The following PPP6R2 variants were observed in gnomAD, a reference collection of about 807,000 sequenced individuals.
The protein encoded by PPP6R2 is serine/threonine-protein phosphatase 6 regulatory subunit 2.
A neutral mutation model predicts 100.2 loss-of-function variants in PPP6R2; 62 were observed. The ratio of observed to expected loss-of-function variants is 0.62; its 90% confidence interval spans 0.50 to 0.76. PPP6R2 has a LOEUF of 0.76. PPP6R2 is among the 30% of genes least tolerant of loss of function. The pLI is 0.00. For missense variants in PPP6R2, 1,142 were observed against 1,276.3 expected (o/e 0.89, Z 1.60); for synonymous variants, 525 against 514.7 (o/e 1.02, Z -0.27).
At chr22:50,412,630 CTTTTTTTTTTTTTTT>C (rs398037412) in intron 4 of PPP6R2, among the ~76,000 whole-genome samples, 3 of 79,866 alleles carry the variant, frequency 3.8e-5, no homozygotes, top group Non-Finnish European at 6.6e-5. Flanking sequence ...TAAATAAGTC[CTTTTTTTTTTTTTTT>C]TTTTTTTTTT....
upstream of PPP6R2, among the ~76,000 whole-genome samples, chr22:50,338,826 GGTGTGTGGTGT>G (rs1270341674): frequency 2.5e-5 from 3 of 119,746 alleles, no homozygotes; most frequent in South Asian, 3.0e-4. Flanking sequence ...GTGTGTGTAG[GGTGTGTGGTGT>G]GTGTGTGGTG....
intron 2 of PPP6R2, among the ~76,000 whole-genome samples, chr22:50,382,545 A>G (rs1024970247): frequency 1.3e-5 from 2 of 152,160 alleles, no homozygotes; most frequent in Non-Finnish European, 2.9e-5. Flanking sequence ...TTCAAACAAA[A>G]ATAAATTACA....
At chr22:50,443,148 C>G (rs1169563175) in intron 22 of PPP6R2, 1 of 152,174 alleles carries the variant, frequency 6.6e-6, no homozygotes, top group East Asian at 1.9e-4. Flanking sequence ...TGACTGTCGG[C>G]AAAAACAAAA....
Position 50,437,917 on chromosome 22 carries a change from G to A in PPP6R2, c.1839+17G>A, listed in dbSNP as rs376891217. On this transcript the variant is annotated intron_variant, in intron 17 of 23. Transcript: ENST00000612753. The stretch of plus-strand genomic sequence containing the variant: ...GAGGACAGTGTGAGCAAGCCGGGCT[G>A]TGTGGGGTGCCGCCACCCTTTTCCC... 1.8e-4 allele frequency: 288 copies of A among 1,560,022 alleles called. No individual in the cohort carries two copies. The highest frequency in any genetic ancestry group is 2.3e-4 in the Non-Finnish European group (265 of 1,152,342).
intron 2 of PPP6R2, among the ~76,000 whole-genome samples, chr22:50,385,312 C>T (rs1230328389): frequency 6.6e-6 from 1 of 152,056 alleles, no homozygotes; most frequent in Non-Finnish European, 1.5e-5. Context: ...TCTTGTGCCT[C>T]AGCCTCCCGA....
chr22:50,339,678 TGTGTGTGGTGTGATTGGTGTGTA>T (rs1347968624), upstream of PPP6R2, among the ~76,000 whole-genome samples: 4 of 135,432 alleles, frequency 3.0e-5, no homozygotes, highest in African/African-American at 1.1e-4. Flanking sequence ...GAGTGTGTGT[TGTGTGTGGTGTGATTGGTGTGTA>T]GTGTGTGGTG....
chr22:50,385,232 G>A (rs576093957), intron 2 of PPP6R2, among the ~76,000 whole-genome samples: 7 of 152,188 alleles, frequency 4.6e-5, no homozygotes, highest in Admixed American at 2.0e-4. Context: ...ATCTCACGCC[G>A]TCACCCAGGC....
At chr22:50,424,920 T>G (rs7410296) in intron 10 of PPP6R2, among the ~76,000 whole-genome samples, 152,320 of 152,332 alleles carry the variant, frequency 1, 76,154 homozygotes, top group Middle Eastern at 1. Flanking sequence ...GATTACAGGC[T>G]TGAGCCACTG....
rs376170706 is a variant in PPP6R2 at position 50,391,415 on chromosome 22, A to G, written c.-16-2478A>G. On this transcript the variant is annotated intron_variant, in intron 2 of 23. Coordinates refer to ENST00000612753, the MANE Select transcript of PPP6R2 (RefSeq NM_001242898.2). ...GCCACTGCACTCCAGCCTGGGCTAC[A>G]GAGTGAGACTCCGTCTCAAAAAAAA... 3.9e-3 allele frequency among the ~76,000 whole-genome samples: 509 copies of G among 129,308 alleles called. 4 individuals are homozygous for G. Among genetic ancestry groups the G allele is most frequent in the Middle Eastern group, 0.013 (3 of 230 alleles). The allele number at this position is 129,308 out of a possible 152,430, so 84.8% of individuals were successfully genotyped here. A position where few individuals can be genotyped will look rare whatever the true frequency, so the allele number is the denominator to read the frequency against.
chr22:50,406,132 GGCCTGGAGAGAGGCGAGA>G, intron 3 of PPP6R2, among the ~76,000 whole-genome samples: 1 of 127,914 alleles, frequency 7.8e-6, no homozygotes, highest in African/African-American at 3.7e-5. Flanking sequence ...CGAGTGTGAA[GGCCTGGAGAGAGGCGAGA>G]GGCCTGGAGA....
chr22:50,375,782 C>A (rs2148593757), intron 2 of PPP6R2, among the ~76,000 whole-genome samples: 2 of 148,542 alleles, frequency 1.3e-5, no homozygotes, highest in Admixed American at 1.4e-4. Context: ...AAAGATAAAA[C>A]CTCTCTGGAA....
chr22:50,430,395 C>T (rs956860912), intron 10 of PPP6R2, among the ~76,000 whole-genome samples: 3 of 152,224 alleles, frequency 2.0e-5, no homozygotes, highest in African/African-American at 7.2e-5. Flanking sequence ...AACACACTTC[C>T]AATAATTCAT....
At chr22:50,356,975 C>G (rs1360689073) in intron 1 of PPP6R2, among the ~76,000 whole-genome samples, 1 of 151,894 alleles carries the variant, frequency 6.6e-6, no homozygotes, top group Non-Finnish European at 1.5e-5. Flanking sequence ...TCCAGTTTTC[C>G]AAACTGGAAA....
At chr22:50,356,951 G>A (rs1444526981) in intron 1 of PPP6R2, among the ~76,000 whole-genome samples, 2 of 151,414 alleles carry the variant, frequency 1.3e-5, no homozygotes, top group African/African-American at 2.4e-5. Context: ...AAACAAAAAA[G>A]CAAAAACAAA....
intron 3 of PPP6R2, among the ~76,000 whole-genome samples, chr22:50,395,672 C>T (rs1050776468): frequency 4.6e-5 from 7 of 152,084 alleles, no homozygotes; most frequent in South Asian, 4.1e-4. Context: ...GTGATCCTCC[C>T]GCCTTAGCCT....
intron 1 of PPP6R2, among the ~76,000 whole-genome samples, chr22:50,357,937 TAATTTTTTA>T (rs1366783070): frequency 1.3e-5 from 2 of 152,078 alleles, no homozygotes; most frequent in East Asian, 1.9e-4. Flanking sequence ...GGCCCCTGGC[TAATTTTTTA>T]AATTTTTTAA....
rs751528552 is a variant in PPP6R2, at chr22:50,406,710, G to A, written c.249G>A (p.Glu83=). 1 of 1,613,618 alleles carries A rather than the reference G, an allele frequency of 6.2e-7. No individual in the cohort carries two copies. The highest frequency in any genetic ancestry group is 1.3e-5 in the African/African-American group (1 of 74,900). The part of the protein sequence containing the change: ...VRFKYPNTAC[E]LLTCDVPQIS... ...TTAGATATCCAAACACAGCCTGTGA[G>A]CTTCTGACTTGTGATGTGCCGCAGA... The change falls in exon 4 of 24, where the codon GAG becomes GAA. Residue 83 remains glutamate (E), a synonymous_variant. Transcript: ENST00000612753.
chr22:50,342,856 A>C (rs1354448951), upstream of PPP6R2, among the ~76,000 whole-genome samples: 2 of 151,758 alleles, frequency 1.3e-5, no homozygotes, highest in African/African-American at 4.8e-5. Flanking sequence ...GGGAGGGGCC[A>C]GGCCTGGCGC....
At chr22:50,424,084 T>C (rs1051217710) in intron 10 of PPP6R2, among the ~76,000 whole-genome samples, 9 of 152,202 alleles carry the variant, frequency 5.9e-5, no homozygotes, top group African/African-American at 2.2e-4. Context: ...TCCAGGTGGC[T>C]GAGGAGAGGA....
Sources: allele counts gnomAD v4.1 joint callset (sites outside exome capture counted in the v4.1 genomes callset), GRCh38; gene constraint gnomAD v4.1.1; transcripts MANE v1.5; gene names NCBI Gene and HGNC (gene_info 2026-07-23, HGNC 2026-07-21).